Variants in RIN3 observed in about 807,000 individuals in gnomAD.
The protein encoded by RIN3 is RAB5 interacting protein 3.
RIN3 carries 54 observed loss-of-function variants against 76.3 expected under a neutral mutation model. That is an observed-to-expected ratio of 0.71 (90% CI 0.57 to 0.89). RIN3 has a LOEUF of 0.89. Ranked by LOEUF, RIN3 falls within the 40% of genes least tolerant of loss-of-function variation. RIN3 has a pLI of 0.00. For synonymous variants in RIN3, 576 were observed against 564.0 expected, an observed-to-expected ratio of 1.02 and a Z score of -0.30; for missense variants, 1,256 against 1,322.1, an observed-to-expected ratio of 0.95 and a Z score of 0.78.
Position 92,651,703 on chromosome 14 carries a change from C to A in RIN3, c.654C>A (p.Asn218Lys), listed in dbSNP as rs756659983. 3 of 1,614,144 alleles carry A rather than the reference C, an allele frequency of 1.9e-6. No individual in the cohort carries two copies. Among genetic ancestry groups the A allele is most frequent in the Admixed American group, 3.3e-5 (2 of 60,024 alleles). ...TCAGGCCCACAGCCCATGACGCAAA[C>A]TGTGCCTGTGAAATCGAGCTGTCGG... is the stretch of plus-strand genomic sequence containing the variant. Reference protein sequence around the residue: ...SSLRPTAHDANCACEIELSVG... With the variant: ...SSLRPTAHDAKCACEIELSVG... Residue 218 changes from asparagine to lysine, a missense_variant, in exon 6 of 10, where the codon AAC becomes AAA. Physicochemically the swap from Asn to Lys is moderately conservative, Grantham distance 94. Coordinates refer to ENST00000216487, the MANE Select transcript of RIN3 (RefSeq NM_024832.5).
Position 92,514,119 on chromosome 14 carries a change from C to A in RIN3, c.44+143C>A, listed in dbSNP as rs924014449. ...GCTGATACGGGACCCCCACCGTGGC[C>A]GAGGCCAGAACCTGGTTCTGCGGGG... On this transcript the variant is annotated intron_variant, in intron 1 of 9. Transcript: ENST00000216487. The surrounding 1 kb of genome is among the most constrained non-coding windows in gnomAD (Gnocchi z 7.2). The A allele has an allele frequency of 3.6e-6, 2 of 553,756 alleles. No individual in the cohort carries two copies. The highest frequency in any genetic ancestry group is 3.9e-5 in the African/African-American group (2 of 51,216). 34.3% of individuals were successfully genotyped at this position (553,756 alleles called of 1,614,324 possible). A position where few individuals can be genotyped will look rare whatever the true frequency, so the allele number is the denominator to read the frequency against.
rs529755217 is a variant in RIN3 at position 92,687,777 on chromosome 14, C to T, written c.2632-149C>T. ...GGGGGACGGGCCCCCCGCAGGCTCG[C>T]GGCAGAGACGGGAAAGGCGCAGGTG... On this transcript the variant is annotated intron_variant, in intron 9 of 9. Coordinates refer to ENST00000216487, the MANE Select transcript of RIN3 (RefSeq NM_024832.5). The T allele has an allele frequency of 2.3e-5, 16 of 682,070 alleles. No homozygotes were observed. The South Asian group carries it at 3.2e-4, about 14-fold the overall frequency. 42.3% of individuals were successfully genotyped at this position (682,070 alleles called of 1,614,324 possible).
chr14:92,593,159 T>A (rs1885044103), intron 3 of RIN3, among the ~76,000 whole-genome samples: 1 of 151,912 alleles, frequency 6.6e-6, no homozygotes, highest in South Asian at 2.1e-4. Context: ...CTAAAAAAAA[T>A]AATTTAAAAA....
intron 3 of RIN3, among the ~76,000 whole-genome samples, chr14:92,609,792 G>A (rs907137960): frequency 2.0e-5 from 3 of 151,792 alleles, no homozygotes; most frequent in African/African-American, 4.8e-5. Context: ...AGTTGTATAT[G>A]CTCATTATAA....
At chr14:92,674,108 G>A (rs12890513) in intron 7 of RIN3, among the ~76,000 whole-genome samples, 44,028 of 152,098 alleles carry the variant, frequency 0.29, 7,200 homozygotes, top group Non-Finnish European at 0.36. Flanking sequence ...CACCTGTGCC[G>A]TTTCAATTAA....
At chr14:92,536,811 GCC>G (rs1897012868) in intron 1 of RIN3, among the ~76,000 whole-genome samples, 1 of 151,258 alleles carries the variant, frequency 6.6e-6, no homozygotes, top group Non-Finnish European at 1.5e-5. Context: ...TAATTCTGTA[GCC>G]CTACTGACTA....
rs1187329787 is a variant in RIN3, at chr14:92,681,065, CCTGGCTAGG to C, written c.2468-3917_2468-3909del. On this transcript the variant is annotated intron_variant, in intron 8 of 9. Coordinates refer to ENST00000216487, the MANE Select transcript of RIN3 (RefSeq NM_024832.5). The surrounding 1 kb of genome is among the most constrained non-coding windows in gnomAD (Gnocchi z 4.7). ...CCAGAATCTTAACCTCTGCTAAAAT[CCTGGCTAGG>C]CTGGTCCCAAAAGTGCCCTCTTGGA... Among the ~76,000 whole-genome samples, 1 of 152,220 alleles carries C rather than the reference CCTGGCTAGG, an allele frequency of 6.6e-6. No individual in the cohort carries two copies. The highest frequency in any genetic ancestry group is 1.5e-5 in the Non-Finnish European group (1 of 68,040).
At chr14:92,581,321 C>T (rs1898429694) in intron 3 of RIN3, among the ~76,000 whole-genome samples, 1 of 152,190 alleles carries the variant, frequency 6.6e-6, no homozygotes, top group Non-Finnish European at 1.5e-5. Context: ...TTACTAAGAG[C>T]AACCAGGCTT....
intron 7 of RIN3, among the ~76,000 whole-genome samples, chr14:92,669,864 A>G (rs1888227857): frequency 6.6e-6 from 1 of 152,076 alleles, no homozygotes; most frequent in Non-Finnish European, 1.5e-5. Context: ...AACTAAAAAT[A>G]TTTACTTTCT....
At chr14:92,585,340 C>T (rs751587580) in intron 3 of RIN3, among the ~76,000 whole-genome samples, 2 of 152,126 alleles carry the variant, frequency 1.3e-5, no homozygotes, top group Non-Finnish European at 2.9e-5. Context: ...GAGCAGAACT[C>T]AAAGGCATTG....
intron 1 of RIN3, among the ~76,000 whole-genome samples, chr14:92,528,757 G>T (rs969798823): frequency 1.3e-5 from 2 of 152,136 alleles, no homozygotes; most frequent in African/African-American, 4.8e-5. Flanking sequence ...CAGCAGCCCC[G>T]CACAGTAGGC....
chr14:92,688,058 C>G lies in RIN3; in HGVS notation c.2764C>G (p.Arg922Gly), dbSNP rs759802212. 4.4e-6 allele frequency: 7 copies of G among 1,602,374 alleles called. No individual in the cohort carries two copies. Among genetic ancestry groups the G allele is most frequent in the Non-Finnish European group, 6.0e-6 (7 of 1,175,916 alleles). ...CGCGGTGGAGCGGCCGCAGGCGCACCGGCTGTTCGTGCTGGTGGACGGGCG... is the reference window on the plus strand; with the variant it reads ...CGCGGTGGAGCGGCCGCAGGCGCACGGGCTGTTCGTGCTGGTGGACGGGCG... ...KFAVERPQAH[R>G]LFVLVDGRCF... is the part of the protein sequence containing the mutation. Residue 922 changes from arginine to glycine, a missense_variant, in exon 10 of 10, where the codon CGG becomes GGG. Physicochemically the swap from Arg to Gly is moderately radical, Grantham distance 125. Transcript: ENST00000216487.
chr14:92,531,018 G>A (rs1296867336), intron 1 of RIN3, among the ~76,000 whole-genome samples: 2 of 152,110 alleles, frequency 1.3e-5, no homozygotes, highest in Non-Finnish European at 2.9e-5. Flanking sequence ...TGGGTGGGAT[G>A]GGTGTGCCTG....
intron 1 of RIN3, among the ~76,000 whole-genome samples, chr14:92,547,193 A>G (rs1224041344): frequency 3.0e-5 from 2 of 67,030 alleles, no homozygotes; most frequent in Non-Finnish European, 5.7e-5. Flanking sequence ...TTATTATAAA[A>G]TAAATTATCT....
At chr14:92,524,224 C>T (rs924669740) in intron 1 of RIN3, among the ~76,000 whole-genome samples, 4 of 152,052 alleles carry the variant, frequency 2.6e-5, no homozygotes, top group South Asian at 2.1e-4. Context: ...AATAAAGACC[C>T]GGGGCCCAGT....
chr14:92,655,894 TG>T (rs1887648537), intron 6 of RIN3, among the ~76,000 whole-genome samples: 1 of 152,058 alleles, frequency 6.6e-6, no homozygotes, highest in African/African-American at 2.4e-5. Context: ...ACACTGGAGA[TG>T]CTTATTAGAT....
At chr14:92,515,502 A>G in intron 1 of RIN3, 1 of 484,116 alleles carries the variant, frequency 2.1e-6, no homozygotes. Flanking sequence ...AAAATGATAA[A>G]TAATAGTAAC....
At chr14:92,682,329 G>A (rs758468736) in intron 8 of RIN3, among the ~76,000 whole-genome samples, 2 of 152,154 alleles carry the variant, frequency 1.3e-5, no homozygotes, top group Non-Finnish European at 2.9e-5. Context: ...AGATGTGTGG[G>A]CCAGCTTCAC....
At chr14:92,670,369 G>A (rs1438424394) in intron 7 of RIN3, among the ~76,000 whole-genome samples, 2 of 152,150 alleles carry the variant, frequency 1.3e-5, no homozygotes, top group Admixed American at 6.6e-5. Context: ...ACAGCCAAAT[G>A]GGCGTGATCT....
Sources: gnomAD v4.1 joint callset for allele counts (sites outside exome capture counted in the v4.1 genomes callset) on GRCh38, gnomAD v4.1.1 for gene constraint, Gnocchi (gnomAD v3.1) non-coding constraint, MANE v1.5 for transcripts, NCBI Gene and HGNC (gene_info 2026-07-23, HGNC 2026-07-21) for gene names.